The following PTPRS variants were observed in gnomAD, a reference collection of about 807,000 sequenced individuals.
PTPRS encodes receptor-type tyrosine-protein phosphatase S.
In PTPRS, 63 loss-of-function variants were observed where a neutral mutation model predicts 215.3. The ratio of observed to expected loss-of-function variants is 0.29; its 90% confidence interval spans 0.24 to 0.36. PTPRS has a LOEUF of 0.36. Ranked by LOEUF, PTPRS falls within the 10% of genes least tolerant of loss-of-function variation. The pLI, the probability that PTPRS is intolerant of heterozygous loss-of-function variation, is 1.00. For synonymous variants in PTPRS, 1,404 were observed against 1,191.4 expected, an observed-to-expected ratio of 1.18 and a Z score of -3.68; for missense variants, 2,258 against 2,825.8, an observed-to-expected ratio of 0.80 and a Z score of 4.56.
chr19:5,222,640 G>A lies in PTPRS; in HGVS notation c.3103+49C>T, dbSNP rs763698260. The stretch of plus-strand genomic sequence containing the variant: ...AGAGGGAGGGGGCTGGGGTGGGGGT[G>A]GGCGCAAGGCCCGGTCCGGCTCTGG... On this transcript the variant is annotated intron_variant, in intron 18 of 37. Coordinates refer to ENST00000262963, the MANE Select transcript of PTPRS (RefSeq NM_002850.4). 6.2e-6 allele frequency: 9 copies of A among 1,454,386 alleles called. No homozygotes were observed. In the South Asian group the frequency reaches 7.0e-5, roughly 11 times the overall value. 90.1% of individuals were successfully genotyped at this position (1,454,386 alleles called of 1,614,324 possible).
In PTPRS at chr19:5,206,804, G is replaced by A; in HGVS notation, c.5817C>T (p.Tyr1939=). The A allele has an allele frequency of 6.2e-7, 1 of 1,614,136 alleles. No individual in the cohort carries two copies. ...TTGCATAGTGGTCAAAGCTTCCGAG[G>A]TACTCCAGTGCCGCCTGGTAACAGA... is the stretch of plus-strand genomic sequence containing the variant. ...YQFCYQAALE[Y]LGSFDHYAT Residue 1939 remains tyrosine, a synonymous_variant, in exon 38 of 38, where the codon TAC becomes TAT. Coordinates refer to ENST00000262963, the MANE Select transcript of PTPRS (RefSeq NM_002850.4).
intron 1 of PTPRS, among the ~76,000 whole-genome samples, chr19:5,319,531 G>A (rs1355039729): frequency 2.0e-5 from 3 of 151,198 alleles, no homozygotes; most frequent in African/African-American, 7.3e-5. Context: ...TCTGAGTCAG[G>A]TCCTGTCCCT....
At chr19:5,322,751 C>A (rs141768779) in intron 1 of PTPRS, among the ~76,000 whole-genome samples, 1 of 151,488 alleles carries the variant, frequency 6.6e-6, no homozygotes, top group East Asian at 2.0e-4. Context: ...TGGTGGCGCA[C>A]GCCTATAATC....
At chr19:5,283,294 G>T (rs915000693) in intron 2 of PTPRS, among the ~76,000 whole-genome samples, 2 of 151,884 alleles carry the variant, frequency 1.3e-5, no homozygotes, top group African/African-American at 2.4e-5. Context: ...CAGCACTTTC[G>T]CCTGTCACAC....
chr19:5,235,440 A>G (rs2043363303), intron 13 of PTPRS, among the ~76,000 whole-genome samples: 1 of 152,230 alleles, frequency 6.6e-6, no homozygotes, highest in South Asian at 2.1e-4. Flanking sequence ...GAATGTTTTC[A>G]GTAAAAACTG....
rs544000847 is a variant in PTPRS at position 5,273,431 on chromosome 19, G to A, written c.379+11C>T. On this transcript the variant is annotated intron_variant, in intron 4 of 37. Coordinates refer to ENST00000262963, the MANE Select transcript of PTPRS (RefSeq NM_002850.4). ...CAGTTTATCCTCCGCCCGCCCTGAGGAGCCCAATACCTCGGAGGACAGTAA... is the reference window on the plus strand; with the variant it reads ...CAGTTTATCCTCCGCCCGCCCTGAGAAGCCCAATACCTCGGAGGACAGTAA... The A allele has an allele frequency of 9.4e-5, 151 of 1,614,146 alleles. 1 individual carries two copies. The South Asian group carries it at 1.5e-3, about 16-fold the overall frequency.
chr19:5,317,997 C>A (rs1325840218), intron 1 of PTPRS, among the ~76,000 whole-genome samples: 1 of 152,146 alleles, frequency 6.6e-6, no homozygotes, highest in Non-Finnish European at 1.5e-5. Context: ...CGGTGAAACC[C>A]CGTCTCTACT....
At chr19:5,327,722 T>A (rs1424522536) in intron 1 of PTPRS, among the ~76,000 whole-genome samples, 1 of 152,088 alleles carries the variant, frequency 6.6e-6, no homozygotes. Flanking sequence ...CACCTCAGCC[T>A]CCTGAGTAGC....
In PTPRS at chr19:5,293,934, G is replaced by T. The variant is rs1317819031; in HGVS notation, c.-94-7700C>A. On this transcript the variant is annotated intron_variant, in intron 1 of 37. Coordinates refer to ENST00000262963, the MANE Select transcript of PTPRS (RefSeq NM_002850.4). This position sits in a 1 kb window ranked among gnomAD's most constrained non-coding sequence, Gnocchi z 8.4. ...CGACACCGGAGCAGAGGGAGAGGAG[G>T]AGGGAGAGGGAGGGGCAGACCTGTC... is the stretch of plus-strand genomic sequence containing the variant. Among the ~76,000 whole-genome samples the T allele has an allele frequency of 6.6e-6, 1 of 152,216 alleles. No individual in the cohort carries two copies. The highest frequency in any genetic ancestry group is 2.4e-5 in the African/African-American group (1 of 41,462).
intron 1 of PTPRS, among the ~76,000 whole-genome samples, chr19:5,301,292 C>T (rs1038822483): frequency 3.3e-5 from 5 of 151,254 alleles, no homozygotes; most frequent in Non-Finnish European, 2.9e-5. Context: ...CTTGAGCCAG[C>T]GTCAAGTGTA....
chr19:5,337,865 A>G (rs924363497), intron 1 of PTPRS, among the ~76,000 whole-genome samples: 3 of 152,090 alleles, frequency 2.0e-5, no homozygotes, highest in Admixed American at 1.3e-4. Context: ...GGAGGCAGGG[A>G]AAAAAGGCGC....
rs369250222 is a variant in PTPRS at position 5,288,062 on chromosome 19, A to C, written c.-94-1828T>G. On this transcript the variant is annotated intron_variant, in intron 1 of 37. Coordinates refer to ENST00000262963, the MANE Select transcript of PTPRS (RefSeq NM_002850.4). ...TCAGACCACAAACACAGACAGGCCC[A>C]AAATCAGACCACAGACATACACCAA... 1.1e-3 allele frequency among the ~76,000 whole-genome samples: 161 copies of C among 152,086 alleles called. 2 individuals are homozygous for C. In the South Asian group the frequency reaches 0.032, roughly 30 times the overall value.
chr19:5,277,800 C>T (rs1458828862), intron 2 of PTPRS: 2 of 743,068 alleles, frequency 2.7e-6, no homozygotes, highest in Non-Finnish European at 4.9e-6. Flanking sequence ...GTTCATCCGG[C>T]ACCAGTCAGA....
intron 25 of PTPRS, among the ~76,000 whole-genome samples, chr19:5,217,191 C>G (rs1458908057): frequency 2.0e-5 from 3 of 152,232 alleles, no homozygotes; most frequent in African/African-American, 7.2e-5. Context: ...CAGCAACCAT[C>G]AGTTAAATGC....
At chr19:5,223,808 C>T (rs147055133) in intron 17 of PTPRS, among the ~76,000 whole-genome samples, 6,192 of 150,846 alleles carry the variant, frequency 0.041, 408 homozygotes, top group African/African-American at 0.14. Flanking sequence ...GTGATCCACC[C>T]GCCTCAGCCT....
Position 5,229,699 on chromosome 19 carries a change from G to T in PTPRS, c.2156-15C>A. ...CGCGCTGGGCACTGGCGGGCGGGAGGGGAGGGGAGGGGCGGGCGGAGCCGT... is the reference window on the plus strand; with the variant it reads ...CGCGCTGGGCACTGGCGGGCGGGAGTGGAGGGGAGGGGCGGGCGGAGCCGT... On this transcript the variant is annotated splice_polypyrimidine_tract_variant and intron_variant, in intron 14 of 37. Transcript: ENST00000262963. The T allele has an allele frequency of 1.6e-6, 2 of 1,239,828 alleles. No homozygotes were observed. Among genetic ancestry groups the T allele is most frequent in the Non-Finnish European group, 2.0e-6 (2 of 990,526 alleles). 76.8% of individuals were successfully genotyped at this position (1,239,828 alleles called of 1,614,324 possible).
intron 33 of PTPRS, 30 bp downstream of exon 33, chr19:5,211,560 G>A: frequency 6.3e-7 from 1 of 1,591,590 alleles, no homozygotes; most frequent in Non-Finnish European, 8.6e-7. Flanking sequence ...TCCTTCTGGG[G>A]CCCTGAGGTG....
chr19:5,244,418 C>T lies in PTPRS; in HGVS notation c.1053G>A (p.Thr351=), dbSNP rs762796973. Residue 351 remains threonine, a synonymous_variant, in exon 11 of 38, where the codon ACG becomes ACA. Transcript: ENST00000262963. The surrounding 1 kb of genome is among the most constrained non-coding windows in gnomAD (Gnocchi z 7.2). ...TENTATSITI[T]WDSGNPDPVS... ...CAGGATCTGGGTTGCCCGAGTCCCACGTGATGGTGATGCTGGTGGCTGTGT... is the reference window on the plus strand; with the variant it reads ...CAGGATCTGGGTTGCCCGAGTCCCATGTGATGGTGATGCTGGTGGCTGTGT... 9 of 1,614,182 alleles carry T rather than the reference C, an allele frequency of 5.6e-6. No homozygotes were observed. The highest frequency in any genetic ancestry group is 5.0e-5 in the Admixed American group (3 of 60,034).
chr19:5,319,461 C>T (rs1018999652), intron 1 of PTPRS, among the ~76,000 whole-genome samples: 3 of 145,578 alleles, frequency 2.1e-5, no homozygotes, highest in Non-Finnish European at 4.5e-5. Context: ...CCACTTGCTT[C>T]TTCTCCCCAC....
Sources: allele counts gnomAD v4.1 joint callset (sites outside exome capture counted in the v4.1 genomes callset), GRCh38; gene constraint gnomAD v4.1.1; non-coding constraint Gnocchi (gnomAD v3.1); transcripts MANE v1.5; gene names NCBI Gene and HGNC (gene_info 2026-07-23, HGNC 2026-07-21).